Variants in AFG2A observed in about 807,000 individuals in gnomAD.
AFG2A encodes the protein AAA ATPase AFG2A, also known as ATPase family gene 2 protein homolog A.
chr4:123,009,824 C>G, the AFG2A span, among the ~76,000 whole-genome samples: 2 of 152,050 alleles, frequency 1.3e-5, no homozygotes, highest in African/African-American at 2.4e-5. Context: ...TATTTTGAAC[C>G]TTTAATTATC....
At chr4:122,941,041 T>C in the AFG2A span, among the ~76,000 whole-genome samples, 14 of 150,332 alleles carry the variant, frequency 9.3e-5, no homozygotes, top group East Asian at 2.5e-3. Flanking sequence ...TGTGGCCTTG[T>C]AGTATAGTTT....
At chr4:123,187,273 T>A in the AFG2A span, among the ~76,000 whole-genome samples, 1 of 152,204 alleles carries the variant, frequency 6.6e-6, no homozygotes, top group Non-Finnish European at 1.5e-5. Context: ...ATGTATAAGC[T>A]CTTTGTCACA....
the AFG2A span, among the ~76,000 whole-genome samples, chr4:122,947,031 A>T: frequency 6.6e-6 from 1 of 152,134 alleles, no homozygotes; most frequent in Non-Finnish European, 1.5e-5. Context: ...AACACTGAAA[A>T]ATGTATAATA....
chr4:123,128,029 A>G, the AFG2A span, among the ~76,000 whole-genome samples: 2 of 152,166 alleles, frequency 1.3e-5, no homozygotes, highest in Non-Finnish European at 2.9e-5. Context: ...GTTCACAATG[A>G]GAAGATTCTG....
chr4:123,028,424 T>C, the AFG2A span: 9 of 1,595,362 alleles, frequency 5.6e-6, no homozygotes, highest in East Asian at 2.2e-5. Flanking sequence ...TAATCGCTAC[T>C]CTCTCTTGGC....
At chr4:123,124,487 G>T in the AFG2A span, among the ~76,000 whole-genome samples, 1 of 152,162 alleles carries the variant, frequency 6.6e-6, no homozygotes, top group South Asian at 2.1e-4. Flanking sequence ...AGGGCCTGTT[G>T]TGGGGTGTGG....
the AFG2A span, among the ~76,000 whole-genome samples, chr4:122,980,456 T>G: frequency 6.6e-6 from 1 of 152,244 alleles, no homozygotes; most frequent in Non-Finnish European, 1.5e-5. Flanking sequence ...TGAATAGTGC[T>G]GTAGTGAACA....
the AFG2A span, among the ~76,000 whole-genome samples, chr4:123,115,672 C>G: frequency 6.6e-6 from 1 of 152,114 alleles, no homozygotes; most frequent in East Asian, 1.9e-4. Flanking sequence ...TACCGTTCGC[C>G]TTGGAGTCCA....
At chr4:123,238,964 A>G in the AFG2A span, among the ~76,000 whole-genome samples, 1 of 152,198 alleles carries the variant, frequency 6.6e-6, no homozygotes, top group African/African-American at 2.4e-5. Context: ...ATGGCTAACT[A>G]GAATAAACAG....
the AFG2A span, chr4:122,935,728 A>G: frequency 5.0e-6 from 8 of 1,604,066 alleles, no homozygotes; most frequent in Non-Finnish European, 6.8e-6. Context: ...TCCTGCCCCT[A>G]GAGGAGTGTT....
At chr4:123,227,029 T>G in the AFG2A span, among the ~76,000 whole-genome samples, 1,301 of 152,336 alleles carry the variant, frequency 8.5e-3, 23 homozygotes, top group African/African-American at 0.03. Flanking sequence ...TGATGGTAGT[T>G]TGTATTTCTG....
chr4:123,071,868 G>C, the AFG2A span, among the ~76,000 whole-genome samples: 1 of 152,178 alleles, frequency 6.6e-6, no homozygotes. Flanking sequence ...AATGGTTTTT[G>C]CTTTCATATT....
chr4:123,204,520 G>A, the AFG2A span, among the ~76,000 whole-genome samples: 2 of 152,020 alleles, frequency 1.3e-5, no homozygotes, highest in Admixed American at 6.5e-5. Flanking sequence ...TGAAATGTCC[G>A]CTCATGACTT....
At chr4:123,130,953 C>T in the AFG2A span, among the ~76,000 whole-genome samples, 1 of 151,734 alleles carries the variant, frequency 6.6e-6, no homozygotes, top group African/African-American at 2.4e-5. Flanking sequence ...TAGTTTTAAT[C>T]ATTCTGTTAG....
At chr4:123,122,731 A>G in the AFG2A span, among the ~76,000 whole-genome samples, 1 of 151,794 alleles carries the variant, frequency 6.6e-6, no homozygotes, top group Non-Finnish European at 1.5e-5. Context: ...CTCCTTTAAT[A>G]AATGGAATAG....
chr4:123,086,690 TTA>T, the AFG2A span, among the ~76,000 whole-genome samples: 7 of 149,944 alleles, frequency 4.7e-5, no homozygotes, highest in African/African-American at 1.7e-4. Context: ...CTGTGTGGTT[TTA>T]TTATTTTTTT....
At chr4:123,048,840 A>T in the AFG2A span, among the ~76,000 whole-genome samples, 1 of 152,100 alleles carries the variant, frequency 6.6e-6, no homozygotes, top group African/African-American at 2.4e-5. Flanking sequence ...TTCCTTTTCA[A>T]TTCGAATGCC....
chr4:123,271,185 T>C, the AFG2A span, among the ~76,000 whole-genome samples: 1 of 152,208 alleles, frequency 6.6e-6, no homozygotes, highest in South Asian at 2.1e-4. Context: ...ATTACTTAGA[T>C]ATTCTCAGGG....
At chr4:123,155,626 A>AATAAT in the AFG2A span, among the ~76,000 whole-genome samples, 2 of 151,808 alleles carry the variant, frequency 1.3e-5, no homozygotes, top group Admixed American at 1.3e-4. Flanking sequence ...TTGTTAAAAA[A>AATAAT]ATAACTATCT....
Sources: gnomAD v4.1 joint callset for allele counts (sites outside exome capture counted in the v4.1 genomes callset) on GRCh38, gnomAD v4.1.1 for gene constraint, MANE v1.5 for transcripts, NCBI Gene and HGNC (gene_info 2026-07-23, HGNC 2026-07-21) for gene names.